The following CORO2B variants were observed in gnomAD, a reference collection of about 807,000 sequenced individuals.
The protein encoded by CORO2B is coronin-2B.
Under a neutral mutation model 58.8 loss-of-function variants are expected in CORO2B, and 26 were observed. That is an observed-to-expected ratio of 0.44 (90% CI 0.32 to 0.61). The LOEUF is 0.61. Among genes scored for constraint, CORO2B ranks in the 20% least tolerant of loss-of-function variants. The pLI is 0.04. For synonymous variants in CORO2B, 242 were observed against 253.8 expected, an observed-to-expected ratio of 0.95 and a Z score of 0.44; for missense variants, 460 against 645.1, an observed-to-expected ratio of 0.71 and a Z score of 3.11.
intron 2 of CORO2B, among the ~76,000 whole-genome samples, chr15:68,654,448 G>A (rs973336489): frequency 6.6e-6 from 1 of 152,224 alleles, no homozygotes; most frequent in Non-Finnish European, 1.5e-5. Context: ...CTAGGACTCT[G>A]TGAAGTCAAG....
chr15:68,700,241 C>T (rs1892608541), intron 3 of CORO2B, among the ~76,000 whole-genome samples: 1 of 152,188 alleles, frequency 6.6e-6, no homozygotes, highest in Non-Finnish European at 1.5e-5. Context: ...GTGTGCCAGG[C>T]ACTGTGCTAC....
intron 2 of CORO2B, among the ~76,000 whole-genome samples, chr15:68,648,145 C>T (rs1286233923): frequency 6.8e-6 from 1 of 147,372 alleles, no homozygotes; most frequent in Non-Finnish European, 1.5e-5. Context: ...CCAGCCTGAC[C>T]AATATGGTGA....
At chr15:68,678,424 A>G (rs1341671057) in intron 2 of CORO2B, among the ~76,000 whole-genome samples, 1 of 152,194 alleles carries the variant, frequency 6.6e-6, no homozygotes, top group East Asian at 1.9e-4. Flanking sequence ...CTGTAATCCC[A>G]ACACTTTGGG....
chr15:68,637,720 G>A (rs1327890571), intron 1 of CORO2B, among the ~76,000 whole-genome samples: 2 of 140,658 alleles, frequency 1.4e-5, no homozygotes, highest in East Asian at 2.1e-4. Flanking sequence ...AGCTACCAGG[G>A]CAGATCTGAG....
chr15:68,554,267 T>C, the CORO2B span, among the ~76,000 whole-genome samples: 1 of 152,030 alleles, frequency 6.6e-6, no homozygotes, highest in African/African-American at 2.4e-5. Flanking sequence ...CAGGTGCCCA[T>C]TGTGGAAGGA....
chr15:68,690,431 GC>G (rs1892328917), intron 2 of CORO2B, among the ~76,000 whole-genome samples: 1 of 151,996 alleles, frequency 6.6e-6, no homozygotes, highest in South Asian at 2.1e-4. Context: ...ATTAGACATG[GC>G]CTACTGGCTC....
intron 2 of CORO2B, among the ~76,000 whole-genome samples, chr15:68,650,747 T>C (rs1472012731): frequency 6.6e-6 from 1 of 152,214 alleles, no homozygotes; most frequent in Non-Finnish European, 1.5e-5. Context: ...ATGATCTAAA[T>C]TTCTTACAAT....
intron 2 of CORO2B, among the ~76,000 whole-genome samples, chr15:68,684,197 T>G (rs530686841): frequency 6.6e-6 from 1 of 152,198 alleles, no homozygotes; most frequent in Non-Finnish European, 1.5e-5. Context: ...CCTAGAAGTC[T>G]GCCTGAGAGT....
At chr15:68,623,325 C>G (rs990419729) in intron 1 of CORO2B, among the ~76,000 whole-genome samples, 1 of 152,154 alleles carries the variant, frequency 6.6e-6, no homozygotes, top group Non-Finnish European at 1.5e-5. Context: ...AGCAATAGAG[C>G]AGGGGCCTTG....
the CORO2B span, among the ~76,000 whole-genome samples, chr15:68,538,764 C>G: frequency 1.6e-4 from 3 of 19,064 alleles, no homozygotes; most frequent in African/African-American, 3.6e-4. Flanking sequence ...CCCAGACCTA[C>G]TGGGAGAGAA....
chr15:68,532,828 G>T, the CORO2B span, among the ~76,000 whole-genome samples: 3 of 152,132 alleles, frequency 2.0e-5, no homozygotes, highest in African/African-American at 7.2e-5. Context: ...CTTTATTAGG[G>T]CAGCTCTGGT....
chr15:68,687,552 G>A (rs751024165), intron 2 of CORO2B, among the ~76,000 whole-genome samples: 5 of 152,194 alleles, frequency 3.3e-5, no homozygotes, highest in Non-Finnish European at 7.3e-5. Context: ...CCCGGCCATG[G>A]CTGCCTGAGT....
intron 2 of CORO2B, among the ~76,000 whole-genome samples, chr15:68,654,150 T>A (rs968695289): frequency 6.6e-6 from 1 of 152,240 alleles, no homozygotes; most frequent in African/African-American, 2.4e-5. Context: ...CTTTGTGTTT[T>A]TCCTTTTTTG....
intron 2 of CORO2B, among the ~76,000 whole-genome samples, chr15:68,660,222 A>T (rs746531153): frequency 6.6e-6 from 1 of 152,232 alleles, no homozygotes; most frequent in Non-Finnish European, 1.5e-5. Context: ...CCCTTCTGCC[A>T]GATTGTCTAA....
intron 11 of CORO2B, among the ~76,000 whole-genome samples, chr15:68,721,189 C>G (rs1342593412): frequency 6.6e-6 from 1 of 151,550 alleles, no homozygotes; most frequent in Non-Finnish European, 1.5e-5. Flanking sequence ...GCCCACTAAT[C>G]ACTATTATTA....
Position 68,726,269 on chromosome 15 carries a change from C to G in CORO2B, c.*295C>G. 2.7e-6 allele frequency: 1 copy of G among 373,040 alleles called. No homozygotes were observed. The highest frequency in any genetic ancestry group is 4.9e-6 in the Non-Finnish European group (1 of 205,030). 23.1% of individuals were successfully genotyped at this position (373,040 alleles called of 1,614,324 possible). On this transcript the variant is annotated 3_prime_UTR_variant, in exon 12 of 12. Coordinates refer to ENST00000261861, the MANE Select transcript of CORO2B (RefSeq NM_006091.5). Reference sequence around the variant, plus strand: ...ACAGACTCCCTGGGGTTGGCAGGGGCTCCATCTCAGTGGACCAGGAAGCAA... The same window carrying G: ...ACAGACTCCCTGGGGTTGGCAGGGGGTCCATCTCAGTGGACCAGGAAGCAA...
the CORO2B span, among the ~76,000 whole-genome samples, chr15:68,543,760 G>A: frequency 2.6e-4 from 40 of 152,068 alleles, no homozygotes; most frequent in African/African-American, 9.2e-4. Flanking sequence ...AGCTGCAGAC[G>A]TCTCCCATCT....
rs1160246725 is a variant in CORO2B at position 68,718,711 on chromosome 15, G to A, written c.981G>A (p.Lys327=). The A allele has an allele frequency of 6.2e-7, 1 of 1,614,144 alleles. No homozygotes were observed. The highest frequency in any genetic ancestry group is 1.7e-5 in the Admixed American group (1 of 60,020). ...APQKGLGVMP[K]HGLDVSACEV... ...TGCCTGTTACAGGGGTCATGCCCAA[G>A]CACGGGCTGGATGTGTCAGCCTGCG... Residue 327 remains lysine (K), a synonymous_variant, in exon 9 of 12, where the codon AAG becomes AAA. Transcript: ENST00000261861.
At chr15:68,615,330 A>G (rs1033103942) in intron 1 of CORO2B, among the ~76,000 whole-genome samples, 1 of 152,182 alleles carries the variant, frequency 6.6e-6, no homozygotes, top group African/African-American at 2.4e-5. Flanking sequence ...TCCCTGGACC[A>G]GGACTCTTGA....
Sources: allele counts gnomAD v4.1 joint callset (sites outside exome capture counted in the v4.1 genomes callset), GRCh38; gene constraint gnomAD v4.1.1; transcripts MANE v1.5; gene names NCBI Gene and HGNC (gene_info 2026-07-23, HGNC 2026-07-21).